The following APTX variants were observed in gnomAD, a reference collection of about 807,000 sequenced individuals.
APTX encodes forkhead-associated domain histidine triad-like protein.
Under a neutral mutation model 42.3 loss-of-function variants are expected in APTX, and 33 were observed. That is an observed-to-expected ratio of 0.78 (90% CI 0.59 to 1.04). The LOEUF is 1.04. APTX is among the 50% of genes least tolerant of loss of function. The pLI, the probability that APTX is intolerant of heterozygous loss-of-function variation, is 0.00. For synonymous variants in APTX, 130 were observed against 146.7 expected, an observed-to-expected ratio of 0.89 and a Z score of 0.82; for missense variants, 421 against 415.1, an observed-to-expected ratio of 1.01 and a Z score of -0.12.
chr9:32,973,295 T>C lies in APTX; in HGVS notation c.*203A>G. On this transcript the variant is annotated 3_prime_UTR_variant, in exon 8 of 8. Transcript: ENST00000379817. ...TATCCCAGCCACCCTCACCAGAGAA[T>C]ACATCTATGACAAACCCAAATTCCT... The C allele has an allele frequency of 1.5e-6, 1 of 684,950 alleles. No individual in the cohort carries two copies. Among genetic ancestry groups the C allele is most frequent in the Non-Finnish European group, 2.6e-6 (1 of 381,630 alleles). 42.4% of individuals were successfully genotyped at this position (684,950 alleles called of 1,614,324 possible). A position where few individuals can be genotyped will look rare whatever the true frequency, so the allele number is the denominator to read the frequency against.
chr9:33,001,881 G>C (rs928629756), upstream of APTX, among the ~76,000 whole-genome samples: 1 of 152,190 alleles, frequency 6.6e-6, no homozygotes, highest in African/African-American at 2.4e-5. Flanking sequence ...TGACATTTCA[G>C]ACCCAATCCC....
In APTX at chr9:32,987,913, G is replaced by A. The variant is rs1050190177; in HGVS notation, c.181-67C>T. ...CAGCACCTACAGTAAGATAGCCACT[G>A]CTATGTTAACCACTTACTATATGCC... On this transcript the variant is annotated intron_variant, in intron 3 of 7. Coordinates refer to ENST00000379817, the MANE Select transcript of APTX (RefSeq NM_001195248.2). The A allele has an allele frequency of 5.7e-6, 9 of 1,581,306 alleles. No individual in the cohort carries two copies. In the Admixed American group the frequency reaches 1.5e-4, roughly 27 times the overall value.
intron 1 of APTX, chr9:33,001,199 G>A: frequency 1.1e-6 from 1 of 914,196 alleles, no homozygotes; most frequent in Non-Finnish European, 1.5e-6. Context: ...ATGCTGCTAA[G>A]GTCCCTCAAG....
chr9:33,008,509 G>A (rs1316618530), intron 1 of APTX, among the ~76,000 whole-genome samples: 1 of 151,446 alleles, frequency 6.6e-6, no homozygotes, highest in Non-Finnish European at 1.5e-5. Context: ...CCAAAGTGCT[G>A]GAATTACAGG....
intron 1 of APTX, chr9:32,990,182 A>T (rs1371882525): frequency 2.5e-5 from 8 of 320,344 alleles, no homozygotes; most frequent in African/African-American, 1.1e-4. Flanking sequence ...TATTTATTTT[A>T]TTTATTTTGA....
intron 6 of APTX, 54 bp from the exon 7 acceptor site, chr9:32,974,615 A>G: frequency 1.0e-6 from 1 of 977,868 alleles, no homozygotes. Flanking sequence ...CTATGGCTTA[A>G]TCAAAATGAC....
rs560946744 is a variant in APTX at position 33,021,305 on chromosome 9, T to C, written c.-5+3718A>G. On this transcript the variant is annotated intron_variant, in intron 1 of 6. Coordinates refer to the APTX transcript ENST00000436040. ...AAATATACAGTTATATGTTCATGAG[T>C]AGGAAGATTCGACATTTTAAATGTG... 3.9e-5 allele frequency among the ~76,000 whole-genome samples: 6 copies of C among 152,236 alleles called. No homozygotes were observed. In the South Asian group the frequency reaches 1.2e-3, roughly 32 times the overall value.
intron 6 of APTX, among the ~76,000 whole-genome samples, chr9:32,982,949 TC>T (rs1401931348): frequency 1.4e-5 from 2 of 140,382 alleles, no homozygotes; most frequent in Non-Finnish European, 3.1e-5. Flanking sequence ...TCTTTTTTTT[TC>T]TTCTTCTTTT....
chr9:33,001,223 G>A (rs1486014254), intron 1 of APTX: 4 of 1,205,386 alleles, frequency 3.3e-6, no homozygotes, highest in Non-Finnish European at 4.4e-6. Flanking sequence ...CTTTCACGAA[G>A]CATTTCTGGC....
intron 1 of APTX, 127 bp from the exon 2 acceptor site, chr9:32,990,022 C>T: frequency 5.1e-6 from 6 of 1,178,812 alleles, no homozygotes; most frequent in Non-Finnish European, 7.3e-6. Context: ...GACTTCACCA[C>T]CCTAGTCTCA....
intron 1 of APTX, among the ~76,000 whole-genome samples, chr9:33,011,125 A>G (rs1036543140): frequency 6.6e-6 from 1 of 151,576 alleles, no homozygotes; most frequent in Admixed American, 6.6e-5. Flanking sequence ...CCTGCGTGAC[A>G]GAGTGAGACT....
At chr9:33,012,068 G>A (rs1226241493) in intron 1 of APTX, among the ~76,000 whole-genome samples, 2 of 151,952 alleles carry the variant, frequency 1.3e-5, no homozygotes, top group East Asian at 3.9e-4. Context: ...CAAAGCTCCA[G>A]CTGTCTATGT....
intron 1 of APTX, among the ~76,000 whole-genome samples, chr9:32,992,634 T>C (rs1370538402): frequency 6.6e-6 from 1 of 152,134 alleles, no homozygotes; most frequent in Non-Finnish European, 1.5e-5. Context: ...GGCTGAAAAG[T>C]TTACATTTAC....
intron 1 of APTX, among the ~76,000 whole-genome samples, chr9:33,021,078 G>A (rs987593905): frequency 9.3e-5 from 14 of 150,896 alleles, no homozygotes; most frequent in African/African-American, 2.7e-4. Flanking sequence ...GCAGTGAGCC[G>A]AGATGGCTCC....
chr9:33,006,362 T>C (rs1246526403), upstream of APTX, among the ~76,000 whole-genome samples: 3 of 152,192 alleles, frequency 2.0e-5, no homozygotes, highest in Non-Finnish European at 2.9e-5. Flanking sequence ...ATAGCTAGAA[T>C]TGTGAATAGC....
chr9:33,013,463 T>G (rs17226951), intron 1 of APTX, among the ~76,000 whole-genome samples: 10,731 of 152,204 alleles, frequency 0.071, 512 homozygotes, highest in Non-Finnish European at 0.11. Context: ...GTTATCTTCA[T>G]CACAACTTCT....
intron 1 of APTX, among the ~76,000 whole-genome samples, chr9:33,012,069 C>A (rs1837579525): frequency 6.6e-6 from 1 of 152,140 alleles, no homozygotes; most frequent in Non-Finnish European, 1.5e-5. Context: ...AAAGCTCCAG[C>A]TGTCTATGTG....
intron 1 of APTX, chr9:33,001,268 T>G: frequency 7.0e-7 from 1 of 1,428,324 alleles, no homozygotes; most frequent in Non-Finnish European, 9.2e-7. Flanking sequence ...CTGGGCCGCC[T>G]CCTTGGTTGG....
intron 1 of APTX, among the ~76,000 whole-genome samples, chr9:32,996,599 T>C (rs1426237769): frequency 6.6e-6 from 1 of 152,156 alleles, no homozygotes; most frequent in Non-Finnish European, 1.5e-5. Context: ...TCTCCTGGTA[T>C]TCCTTTCTCC....
Sources: gnomAD v4.1 joint callset for allele counts (sites outside exome capture counted in the v4.1 genomes callset) on GRCh38, gnomAD v4.1.1 for gene constraint, MANE v1.5 for transcripts, NCBI Gene and HGNC (gene_info 2026-07-23, HGNC 2026-07-21) for gene names.